HMCN1: variants seen among roughly 807,000 people sequenced by gnomAD.
HMCN1 encodes the protein hemicentin 1, also known as hemicentin-1.
In HMCN1, 321 loss-of-function variants were observed where a neutral mutation model predicts 625.9. The observed-to-expected ratio is 0.51, with a 90% CI of 0.47 to 0.56. HMCN1 has a LOEUF of 0.56. Among genes scored for constraint, HMCN1 ranks in the 20% least tolerant of loss-of-function variants. The pLI is 0.00. For synonymous variants in HMCN1, 2,425 were observed against 2,417.6 expected (o/e 1.00, Z -0.09); for missense variants, 6,588 against 6,887.3 (o/e 0.96, Z 1.54).
chr1:185,817,018 G>A (rs1659885867), intron 1 of HMCN1, among the ~76,000 whole-genome samples: 1 of 152,148 alleles, frequency 6.6e-6, no homozygotes, highest in South Asian at 2.1e-4. Context: ...AACAGTGCCT[G>A]GCACATAGTG....
rs758698913 is a variant in HMCN1 at position 186,117,523 on chromosome 1, T to G, written c.11748T>G (p.Ile3916Met). 1.2e-6 allele frequency: 2 copies of G among 1,613,650 alleles called. No individual in the cohort carries two copies. Among genetic ancestry groups the G allele is most frequent in the South Asian group, 2.2e-5 (2 of 91,072 alleles). The change falls in exon 77 of 107, where the codon ATT becomes ATG. Residue 3916 changes from isoleucine to methionine, a missense_variant. Ile to Met is a conservative substitution (Grantham distance 10). Around this residue, in one of 3 missense-constraint regions of HMCN1, gnomAD observed 4,628 missense variants for 4,853.1 expected, o/e 0.95. Coordinates refer to ENST00000271588, the MANE Select transcript of HMCN1 (RefSeq NM_031935.3). ...FLVTKHAPAV[I>M]TCTASGVPFP... is the part of the protein sequence containing the mutation. Reference sequence around the variant, plus strand: ...TAACCAAACATGCCCCAGCAGTAATTACCTGCACTGCTTCGGGAGTTCCAT... The same window carrying G: ...TAACCAAACATGCCCCAGCAGTAATGACCTGCACTGCTTCGGGAGTTCCAT...
intron 6 of HMCN1, among the ~76,000 whole-genome samples, chr1:185,912,692 A>G (rs1039832553): frequency 6.6e-6 from 1 of 152,056 alleles, no homozygotes; most frequent in African/African-American, 2.4e-5. Context: ...GGGAGCAGCT[A>G]TTAGCACCTG....
At chr1:186,010,254 T>C (rs928715740) in intron 30 of HMCN1, among the ~76,000 whole-genome samples, 1 of 152,140 alleles carries the variant, frequency 6.6e-6, no homozygotes, top group Non-Finnish European at 1.5e-5. Context: ...TGCATATATA[T>C]GTACAGTTTA....
intron 42 of HMCN1, among the ~76,000 whole-genome samples, chr1:186,051,163 A>C (rs1277311054): frequency 6.6e-6 from 1 of 152,078 alleles, no homozygotes; most frequent in African/African-American, 2.4e-5. Context: ...TCTTAAATCA[A>C]TTTAAAAAGT....
chr1:185,953,579 G>A (rs1011576310), intron 11 of HMCN1, among the ~76,000 whole-genome samples: 2 of 151,878 alleles, frequency 1.3e-5, no homozygotes, highest in Non-Finnish European at 2.9e-5. Flanking sequence ...TTGAAGGATA[G>A]GGAGGTTGGA....
Position 185,818,911 on chromosome 1 carries a change from C to CT in HMCN1, c.269-27103dup, listed in dbSNP as rs200463566. On this transcript the variant is annotated intron_variant, in intron 1 of 106. Transcript: ENST00000271588. ...ACATAAATAGTTTAAGCAATTTTAC[C>CT]TTTTTTTTTTTTGGCTGAAATCAAA... 8.6e-3 allele frequency among the ~76,000 whole-genome samples: 1,241 copies of CT among 143,698 alleles called. 9 individuals are homozygous for CT. Among genetic ancestry groups the CT allele is most frequent in the African/African-American group, 0.025 (972 of 39,350 alleles). 94.3% of individuals were successfully genotyped at this position (143,698 alleles called of 152,430 possible). A position where few individuals can be genotyped will look rare whatever the true frequency, so the allele number is the denominator to read the frequency against.
In HMCN1 at chr1:186,174,735, T is replaced by C. The variant is rs1054457986; in HGVS notation, c.15943+93T>C. On this transcript the variant is annotated intron_variant, in intron 103 of 106. Transcript: ENST00000271588. The stretch of plus-strand genomic sequence containing the variant: ...TAGGGCCACTTTCTCTATCCTCAAA[T>C]GGTCTCTTGTTACAATAATAAGGTA... 2.7e-5 allele frequency: 30 copies of C among 1,110,012 alleles called. No individual in the cohort carries two copies. The South Asian group carries it at 3.7e-4, about 14-fold the overall frequency. The allele number at this position is 1,110,012 out of a possible 1,614,324, so 68.8% of individuals were successfully genotyped here.
chr1:186,174,576 A>C lies in HMCN1; in HGVS notation c.15877A>C (p.Arg5293=). Residue 5293 remains arginine, a synonymous_variant, in exon 103 of 107, where the codon AGA becomes CGA. Coordinates refer to ENST00000271588, the MANE Select transcript of HMCN1 (RefSeq NM_031935.3). ...ATATAACCAGATATGTGAGAATACAAGAGGCAGCTATCGTTGTGTATGCCC... is the reference window on the plus strand; with the variant it reads ...ATATAACCAGATATGTGAGAATACACGAGGCAGCTATCGTTGTGTATGCCC... ...CRYNQICENT[R]GSYRCVCPRG... 1.9e-6 allele frequency: 3 copies of C among 1,613,846 alleles called. No homozygotes were observed. Among genetic ancestry groups the C allele is most frequent in the Non-Finnish European group, 2.5e-6 (3 of 1,179,712 alleles).
intron 69 of HMCN1, among the ~76,000 whole-genome samples, chr1:186,106,074 C>T (rs963158287): frequency 6.6e-6 from 1 of 152,112 alleles, no homozygotes; most frequent in Non-Finnish European, 1.5e-5. Flanking sequence ...TTTCCATAAC[C>T]TCTAAAGTCA....
intron 11 of HMCN1, among the ~76,000 whole-genome samples, chr1:185,942,048 A>G (rs1290536234): frequency 7.2e-5 from 11 of 151,774 alleles, no homozygotes; most frequent in Non-Finnish European, 1.5e-4. Flanking sequence ...AAAATTAGCC[A>G]GGCGTGGTGG....
intron 1 of HMCN1, among the ~76,000 whole-genome samples, chr1:185,769,673 C>T (rs368846721): frequency 1.1e-4 from 16 of 152,032 alleles, no homozygotes; most frequent in Non-Finnish European, 2.2e-4. Flanking sequence ...CATATGGCTC[C>T]GGATTCTGTT....
intron 89 of HMCN1, among the ~76,000 whole-genome samples, chr1:186,143,357 A>G (rs1057358487): frequency 1.3e-5 from 2 of 152,200 alleles, no homozygotes; most frequent in African/African-American, 2.4e-5. Context: ...CTCCATATCT[A>G]GCAAGTTCCC....
chr1:186,063,062 G>GCA (rs1221296216), intron 48 of HMCN1, among the ~76,000 whole-genome samples: 70 of 62,930 alleles, frequency 1.1e-3, no homozygotes, highest in Non-Finnish European at 1.5e-3. Context: ...GTGTGTGTGT[G>GCA]TGTGCATATA....
At chr1:185,949,035 CAGGTATAAA>C in intron 11 of HMCN1, among the ~76,000 whole-genome samples, 1 of 151,894 alleles carries the variant, frequency 6.6e-6, no homozygotes, top group East Asian at 1.9e-4. Flanking sequence ...AGGAGAAAAA[CAGGTATAAA>C]AGGTCTAAGA....
intron 36 of HMCN1, among the ~76,000 whole-genome samples, chr1:186,037,251 G>T (rs1034244468): frequency 1.3e-5 from 2 of 151,838 alleles, no homozygotes; most frequent in African/African-American, 2.4e-5. Context: ...AATCCTGGAT[G>T]TCTCTCACAC....
intron 93 of HMCN1, among the ~76,000 whole-genome samples, chr1:186,149,704 C>T (rs1650553469): frequency 2.6e-5 from 4 of 152,292 alleles, no homozygotes; most frequent in African/African-American, 9.6e-5. Context: ...CTCAGCTTAA[C>T]CATTTCCAGC....
At chr1:186,062,066 T>C (rs1213803676) in intron 47 of HMCN1, 102 bp downstream of exon 47, 1 of 724,994 alleles carries the variant, frequency 1.4e-6, no homozygotes, top group Non-Finnish European at 2.4e-6. Context: ...CCTGTGTTAT[T>C]TAGACCCTGG....
At chr1:186,110,420 C>A (rs1267380161) in intron 71 of HMCN1, among the ~76,000 whole-genome samples, 1 of 151,976 alleles carries the variant, frequency 6.6e-6, no homozygotes, top group South Asian at 2.1e-4. Flanking sequence ...GTACTAAAAG[C>A]CAAGGAAAAG....
In HMCN1 at chr1:186,190,648, AT is replaced by A. The variant is rs1653668144; in HGVS notation, c.*774del. 5.2e-6 allele frequency: 1 copy of A among 191,300 alleles called. No homozygotes were observed. Among genetic ancestry groups the A allele is most frequent in the African/African-American group, 2.3e-5 (1 of 42,878 alleles). 11.9% of individuals were successfully genotyped at this position (191,300 alleles called of 1,614,324 possible). A position where few individuals can be genotyped will look rare whatever the true frequency, so the allele number is the denominator to read the frequency against. On this transcript the variant is annotated 3_prime_UTR_variant, in exon 107 of 107. Coordinates refer to ENST00000271588, the MANE Select transcript of HMCN1 (RefSeq NM_031935.3). ...AGCTTCATAACTTTTACGTTCCAGA[AT>A]TTTGTTTATTTTCCTGTCAATGAAA...
Sources: gnomAD v4.1 joint callset for allele counts (sites outside exome capture counted in the v4.1 genomes callset) on GRCh38, gnomAD v4.1.1 for gene constraint, gnomAD v4.1.1 regional missense constraint, MANE v1.5 for transcripts, NCBI Gene and HGNC (gene_info 2026-07-23, HGNC 2026-07-21) for gene names.